The following KCNN2 variants were observed in gnomAD, a reference collection of about 807,000 sequenced individuals.
The protein encoded by KCNN2 is small conductance calcium-activated potassium channel protein 2.
KCNN2 carries 24 observed loss-of-function variants against 55.5 expected under a neutral mutation model. The ratio of observed to expected loss-of-function variants is 0.43; its 90% CI spans 0.31 to 0.61. KCNN2 has a LOEUF of 0.61. Ranked by LOEUF, KCNN2 falls within the 20% of genes least tolerant of loss-of-function variation. The pLI is 0.08. For synonymous variants in KCNN2, 431 were observed against 336.1 expected, an observed-to-expected ratio of 1.28 and a Z score of -3.09; for missense variants, 754 against 853.6, an observed-to-expected ratio of 0.88 and a Z score of 1.45.
intron 1 of KCNN2, among the ~76,000 whole-genome samples, chr5:114,198,419 C>G (rs1030185537): frequency 6.8e-6 from 1 of 146,644 alleles, no homozygotes; most frequent in East Asian, 2.0e-4. Flanking sequence ...CATACATATA[C>G]GTATATATGT....
chr5:114,296,578 C>T (rs1434525521), intron 2 of KCNN2, among the ~76,000 whole-genome samples: 3 of 151,992 alleles, frequency 2.0e-5, no homozygotes, highest in Non-Finnish European at 4.4e-5. Context: ...TGAATATTTA[C>T]AAGAAATTGG....
chr5:114,256,842 T>C (rs1754992564), intron 2 of KCNN2, among the ~76,000 whole-genome samples: 1 of 152,166 alleles, frequency 6.6e-6, no homozygotes, highest in African/African-American at 2.4e-5. Flanking sequence ...ATTATTTCTT[T>C]TGCTGTGCAG....
At chr5:114,365,985 T>C (rs1179637535) in intron 2 of KCNN2, among the ~76,000 whole-genome samples, 4 of 152,224 alleles carry the variant, frequency 2.6e-5, no homozygotes, top group Admixed American at 6.5e-5. Context: ...ATTGACTCTT[T>C]AAGAATTATT....
intron 4 of KCNN2, among the ~76,000 whole-genome samples, chr5:114,469,251 C>T (rs995165489): frequency 2.0e-5 from 3 of 152,274 alleles, no homozygotes; most frequent in Non-Finnish European, 4.4e-5. Context: ...GTCCTTCTCC[C>T]TCTGCCCCCC....
intron 3 of KCNN2, among the ~76,000 whole-genome samples, chr5:114,454,162 T>A (rs906887627): frequency 6.6e-6 from 1 of 152,228 alleles, no homozygotes; most frequent in Non-Finnish European, 1.5e-5. Flanking sequence ...CTCATTCTTT[T>A]TATGGCTGCA....
intron 2 of KCNN2, among the ~76,000 whole-genome samples, chr5:114,313,377 A>G (rs972402967): frequency 7.2e-5 from 11 of 152,174 alleles, no homozygotes; most frequent in African/African-American, 2.7e-4. Flanking sequence ...TTCTAGATGT[A>G]CAAGCTTAAG....
At chr5:114,245,040 G>A (rs1754724185) in intron 2 of KCNN2, among the ~76,000 whole-genome samples, 1 of 152,200 alleles carries the variant, frequency 6.6e-6, no homozygotes, top group African/African-American at 2.4e-5. Flanking sequence ...GGCAGTGGCT[G>A]TTTAAAAAGA....
At chr5:114,090,812 C>T (rs1273446789) in intron 1 of KCNN2, among the ~76,000 whole-genome samples, 1 of 152,000 alleles carries the variant, frequency 6.6e-6, no homozygotes, top group Non-Finnish European at 1.5e-5. Context: ...ATACCAGTAG[C>T]CACCTTACAG....
At chr5:114,119,902 G>A (rs1489667650) in intron 1 of KCNN2, among the ~76,000 whole-genome samples, 3 of 152,200 alleles carry the variant, frequency 2.0e-5, no homozygotes, top group Admixed American at 6.5e-5. Context: ...TAGGTTTTGA[G>A]GACAATTGAG....
At chr5:114,204,795 G>A (rs1378221170) in intron 1 of KCNN2, among the ~76,000 whole-genome samples, 1 of 152,190 alleles carries the variant, frequency 6.6e-6, no homozygotes, top group African/African-American at 2.4e-5. Context: ...AGACATGTAA[G>A]TTGGGAAAAA....
chr5:114,384,116 T>A (rs1280694422), intron 2 of KCNN2, among the ~76,000 whole-genome samples: 1 of 152,216 alleles, frequency 6.6e-6, no homozygotes, highest in South Asian at 2.1e-4. Flanking sequence ...TTAGGTGTGA[T>A]TTTATCTGGA....
chr5:114,391,343 G>A (rs941707186), intron 2 of KCNN2, among the ~76,000 whole-genome samples: 13 of 152,120 alleles, frequency 8.5e-5, no homozygotes, highest in Non-Finnish European at 1.8e-4. Flanking sequence ...CAGAGTGGGT[G>A]TTAATGCATA....
intron 1 of KCNN2, among the ~76,000 whole-genome samples, chr5:114,123,106 G>A (rs2974462): frequency 0.069 from 10,551 of 152,116 alleles, 1,215 homozygotes; most frequent in African/African-American, 0.24. Flanking sequence ...ATAAATCCAT[G>A]TTATCAGTGC....
At chr5:114,242,564 T>G (rs1754666897) in intron 2 of KCNN2, among the ~76,000 whole-genome samples, 1 of 152,196 alleles carries the variant, frequency 6.6e-6, no homozygotes, top group African/African-American at 2.4e-5. Context: ...ATTTCTCTAC[T>G]TAGTCCTTGG....
intron 1 of KCNN2, among the ~76,000 whole-genome samples, chr5:114,160,023 A>C (rs1417409229): frequency 6.6e-6 from 1 of 151,820 alleles, no homozygotes; most frequent in African/African-American, 2.4e-5. Flanking sequence ...CTCTGATGTT[A>C]GTTATTTCTT....
At chr5:114,153,137 C>G (rs1399426856) in intron 1 of KCNN2, among the ~76,000 whole-genome samples, 1 of 152,164 alleles carries the variant, frequency 6.6e-6, no homozygotes, top group Admixed American at 6.5e-5. Flanking sequence ...GGCTTTGAGA[C>G]ATCCATGTGA....
chr5:114,311,528 C>T (rs1021645338), intron 2 of KCNN2, among the ~76,000 whole-genome samples: 1 of 152,084 alleles, frequency 6.6e-6, no homozygotes, highest in African/African-American at 2.4e-5. Context: ...CTGTTTTTGG[C>T]AGGCTCCCTC....
intron 1 of KCNN2, among the ~76,000 whole-genome samples, chr5:114,109,094 C>T (rs1751543930): frequency 6.6e-6 from 1 of 152,050 alleles, no homozygotes; most frequent in South Asian, 2.1e-4. Flanking sequence ...AGGTGTCACT[C>T]AAGCTTGGAG....
chr5:114,272,490 A>G (rs894918832), intron 2 of KCNN2, among the ~76,000 whole-genome samples: 5 of 152,002 alleles, frequency 3.3e-5, no homozygotes, highest in Non-Finnish European at 7.4e-5. Context: ...TGTACATATC[A>G]TATACACATA....
Sources: gnomAD v4.1 joint callset for allele counts (sites outside exome capture counted in the v4.1 genomes callset) on GRCh38, gnomAD v4.1.1 for gene constraint, MANE v1.5 for transcripts, NCBI Gene and HGNC (gene_info 2026-07-23, HGNC 2026-07-21) for gene names.